The following CACNA1A variants were observed in gnomAD, a reference collection of about 807,000 sequenced individuals.
CACNA1A encodes calcium voltage-gated channel subunit alpha1 A.
A neutral mutation model predicts 262.4 loss-of-function variants in CACNA1A; 57 were observed. The ratio of observed to expected loss-of-function variants is 0.22; its 90% CI spans 0.18 to 0.27. The LOEUF (loss-of-function observed/expected upper bound fraction) is 0.27. Ranked by LOEUF, CACNA1A falls within the 10% of genes least tolerant of loss-of-function variation. The pLI, the probability that CACNA1A is intolerant of heterozygous loss-of-function variation, is 1.00. For synonymous variants in CACNA1A, 1,431 were observed against 1,419.3 expected (o/e 1.01, Z -0.18); for missense variants, 2,526 against 3,562.8 (o/e 0.71, Z 7.41).
At chr19:13,438,690 A>G (rs1028885586) in intron 3 of CACNA1A, among the ~76,000 whole-genome samples, 11 of 152,244 alleles carry the variant, frequency 7.2e-5, no homozygotes, top group African/African-American at 2.6e-4. Context: ...CTAAACTGCC[A>G]CCCTTCAGAA....
intron 6 of CACNA1A, 108 bp from the exon 7 acceptor site, chr19:13,336,017 G>A (rs2058559489): frequency 3.0e-6 from 2 of 656,306 alleles, no homozygotes; most frequent in African/African-American, 1.8e-5. Flanking sequence ...TGTCTTAAAT[G>A]TTCTTGGCTT....
At chr19:13,393,815 T>C (rs1224716125) in intron 3 of CACNA1A, among the ~76,000 whole-genome samples, 16,816 of 92,106 alleles carry the variant, frequency 0.18, 1,866 homozygotes, top group East Asian at 0.33. Flanking sequence ...CCTTCCTCTC[T>C]CTCTCTCTCT....
intron 19 of CACNA1A, among the ~76,000 whole-genome samples, chr19:13,287,659 G>A (rs1348134703): frequency 2.0e-5 from 3 of 151,768 alleles, no homozygotes; most frequent in Non-Finnish European, 4.4e-5. Context: ...CCACCACTAC[G>A]ACCGGCTAAT....
At chr19:13,276,024 T>A in intron 23 of CACNA1A, 68 bp from the exon 24 acceptor site, 1 of 980,920 alleles carries the variant, frequency 1.0e-6, no homozygotes, top group East Asian at 2.5e-5. Context: ...TGCCACCCAC[T>A]CTCTAGCCTC....
At chr19:13,370,562 A>G (rs949695941) in intron 4 of CACNA1A, among the ~76,000 whole-genome samples, 2 of 150,220 alleles carry the variant, frequency 1.3e-5, no homozygotes, top group African/African-American at 4.9e-5. Context: ...AGTAGCTGGG[A>G]CTACAGGTGT....
Position 13,308,009 on chromosome 19 carries a change from G to T in CACNA1A, c.1913+111C>A. On this transcript the variant is annotated intron_variant, in intron 14 of 46. Transcript: ENST00000360228. This position sits in a 1 kb window ranked among gnomAD's most constrained non-coding sequence, Gnocchi z 4.2. ...CAGGGCCCTGCCCATTTGGGTGACC[G>T]CAATGGGTGTCTGGGCTACGAGGAA... 6.8e-7 allele frequency: 1 copy of T among 1,459,870 alleles called. No individual in the cohort carries two copies. The highest frequency in any genetic ancestry group is 9.4e-7 in the Non-Finnish European group (1 of 1,059,428). The allele number at this position is 1,459,870 out of a possible 1,614,324, so 90.4% of individuals were successfully genotyped here. A position where few individuals can be genotyped will look rare whatever the true frequency, so the allele number is the denominator to read the frequency against.
chr19:13,234,350 CAAAAAAAAAAAAAA>C (rs71168693), intron 34 of CACNA1A, among the ~76,000 whole-genome samples: 1 of 71,244 alleles, frequency 1.4e-5, no homozygotes, highest in Non-Finnish European at 2.4e-5. Flanking sequence ...ACTCCATCTC[CAAAAAAAAAAAAAA>C]AAAAAAAAAA....
chr19:13,365,610 C>T, intron 4 of CACNA1A, 141 bp from the exon 5 acceptor site: 1 of 637,864 alleles, frequency 1.6e-6, no homozygotes, highest in Non-Finnish European at 2.7e-6. Flanking sequence ...GGGGATTGGG[C>T]AATGGTGAAG....
At chr19:13,412,829 ATT>A (rs1405162825) in intron 3 of CACNA1A, among the ~76,000 whole-genome samples, 2 of 152,150 alleles carry the variant, frequency 1.3e-5, no homozygotes, top group Non-Finnish European at 2.9e-5. Context: ...AAAAAATAAC[ATT>A]TGTTTGGTAG....
intron 3 of CACNA1A, among the ~76,000 whole-genome samples, chr19:13,372,797 C>T (rs1194897837): frequency 6.6e-6 from 1 of 152,216 alleles, no homozygotes; most frequent in Non-Finnish European, 1.5e-5. Context: ...CAGCCAGCAT[C>T]AGCTGGCTAG....
chr19:13,251,925 A>G (rs1056676108), intron 30 of CACNA1A, among the ~76,000 whole-genome samples: 2 of 149,978 alleles, frequency 1.3e-5, no homozygotes, highest in Admixed American at 1.3e-4. Flanking sequence ...CAAGCACGCC[A>G]GGCTAATTTT....
intron 36 of CACNA1A, chr19:13,228,836 C>T: frequency 1.7e-6 from 2 of 1,183,838 alleles, no homozygotes; most frequent in Non-Finnish European, 2.5e-6. Flanking sequence ...GCAATGGGTT[C>T]ACACGGGCTC....
At chr19:13,356,708 T>C (rs2145232733) in intron 6 of CACNA1A, among the ~76,000 whole-genome samples, 2 of 152,310 alleles carry the variant, frequency 1.3e-5, no homozygotes, top group East Asian at 3.9e-4. Flanking sequence ...ATTCTCTCCC[T>C]GAGTTCCCAG....
rs1003021570 is a variant in CACNA1A, at chr19:13,249,489, G to A, written c.4866+3502C>T. ...TCTCACCTCAGCCTCCTAAGTAGAT[G>A]GGACTGCAGGTGCACGCCACCACAC... On this transcript the variant is annotated intron_variant, in intron 30 of 46. Transcript: ENST00000360228. 2.0e-5 allele frequency among the ~76,000 whole-genome samples: 3 copies of A among 152,084 alleles called. 1 individual carries two copies. In the South Asian group the frequency reaches 6.2e-4, roughly 31 times the overall value.
intron 1 of CACNA1A, among the ~76,000 whole-genome samples, chr19:13,490,811 G>A (rs1448243431): frequency 6.9e-6 from 1 of 145,362 alleles, no homozygotes; most frequent in Non-Finnish European, 1.5e-5. Flanking sequence ...GAAAAAGGAA[G>A]GAAGGAAAGA....
chr19:13,344,736 T>TTTTA (rs5827191), intron 6 of CACNA1A, among the ~76,000 whole-genome samples: 4,646 of 136,212 alleles, frequency 0.034, 80 homozygotes, highest in Non-Finnish European at 0.044. Context: ...GGATCATTTA[T>TTTTA]TTTATTTATT....
chr19:13,505,558 C>A (rs748397972), intron 1 of CACNA1A, among the ~76,000 whole-genome samples: 1 of 152,160 alleles, frequency 6.6e-6, no homozygotes, highest in Non-Finnish European at 1.5e-5. Flanking sequence ...AGCGCCCAGG[C>A]CCGAGCCCGC....
chr19:13,406,594 C>T (rs1473809279), intron 3 of CACNA1A, among the ~76,000 whole-genome samples: 1 of 143,850 alleles, frequency 7.0e-6, no homozygotes, highest in Non-Finnish European at 1.5e-5. Flanking sequence ...CATTCAGTGT[C>T]CACTCCCCAG....
chr19:13,217,547 G>C (rs2055061266), intron 38 of CACNA1A, among the ~76,000 whole-genome samples: 1 of 152,136 alleles, frequency 6.6e-6, no homozygotes, highest in African/African-American at 2.4e-5. Context: ...GCTCAGCTGT[G>C]GAACTCCAGG....
Sources: allele counts gnomAD v4.1 joint callset (sites outside exome capture counted in the v4.1 genomes callset), GRCh38; gene constraint gnomAD v4.1.1; non-coding constraint Gnocchi (gnomAD v3.1); transcripts MANE v1.5; gene names NCBI Gene and HGNC (gene_info 2026-07-23, HGNC 2026-07-21).